Variants in LRRD1 observed in about 807,000 individuals in gnomAD.
The protein encoded by LRRD1 is leucine rich repeats and death domain containing 1, also known as leucine-rich repeat and death domain-containing protein 1.
Under a neutral mutation model 69.5 loss-of-function variants are expected in LRRD1, and 49 were observed. The observed-to-expected ratio is 0.70, with a 90% confidence interval of 0.56 to 0.89. The LOEUF is 0.89. Ranked by LOEUF, LRRD1 falls within the 40% of genes least tolerant of loss-of-function variation. The pLI is 0.00. For synonymous variants in LRRD1, 303 were observed against 338.9 expected, an observed-to-expected ratio of 0.89 and a Z score of 1.16; for missense variants, 853 against 956.0, an observed-to-expected ratio of 0.89 and a Z score of 1.42.
chr7:92,176,973 A>G (rs185894560), intron 1 of LRRD1, among the ~76,000 whole-genome samples: 1,566 of 148,692 alleles, frequency 0.011, 25 homozygotes, highest in African/African-American at 0.036. Flanking sequence ...AAACAAGAAT[A>G]TATTACTTGT....
chr7:92,167,364 G>A (rs1371412642), intron 1 of LRRD1, among the ~76,000 whole-genome samples: 2 of 151,950 alleles, frequency 1.3e-5, no homozygotes, highest in Non-Finnish European at 2.9e-5. Context: ...AAAGTGCTGG[G>A]ATTACAGGTG....
In LRRD1 at chr7:92,145,029, C is replaced by G; in HGVS notation, c.2442G>C (p.Trp814Cys). 1.3e-6 allele frequency: 2 copies of G among 1,525,298 alleles called. No individual in the cohort carries two copies. The highest frequency in any genetic ancestry group is 8.8e-7 in the Non-Finnish European group (1 of 1,131,438). The allele number at this position is 1,525,298 out of a possible 1,614,324, so 94.5% of individuals were successfully genotyped here. Residue 814 changes from tryptophan to cysteine, a missense_variant, in exon 6 of 6, where the codon TGG (tryptophan) becomes TGC (cysteine). Trp to Cys is a radical substitution (Grantham distance 215, BLOSUM62 -2). Around this residue, in one of 3 missense-constraint regions of LRRD1, gnomAD observed 739 missense variants for 808.0 expected, o/e 0.91. Transcript: ENST00000458448. ...SERAHQALVI[W>C]KTQSNKLSLT... ...GTGATAACTTGTTACTTTGTGTTTTCCATATAACAAGTGCTTGGTGGGCTC... is the reference window on the plus strand; with the variant it reads ...GTGATAACTTGTTACTTTGTGTTTTGCATATAACAAGTGCTTGGTGGGCTC...
intron 1 of LRRD1, among the ~76,000 whole-genome samples, chr7:92,174,060 T>A (rs765695031): frequency 1.3e-5 from 2 of 152,044 alleles, no homozygotes; most frequent in African/African-American, 2.4e-5. Context: ...ATTTGTTGAG[T>A]GAAATAAGCC....
At chr7:92,149,151 A>G (rs6973896) in intron 4 of LRRD1, among the ~76,000 whole-genome samples, 65,927 of 152,084 alleles carry the variant, frequency 0.43, 15,050 homozygotes, top group African/African-American at 0.57. Flanking sequence ...TCCTTTATCA[A>G]TAAAGCCCAA....
chr7:92,143,508 T>A (rs1389418647), downstream of LRRD1, among the ~76,000 whole-genome samples: 2 of 152,164 alleles, frequency 1.3e-5, no homozygotes, highest in African/African-American at 2.4e-5. Flanking sequence ...TCCCGAGCCC[T>A]GCCCCGCGGG....
chr7:92,146,995 T>G (rs1161318826), intron 4 of LRRD1, among the ~76,000 whole-genome samples: 1 of 152,120 alleles, frequency 6.6e-6, no homozygotes, highest in African/African-American at 2.4e-5. Context: ...ATTTGACATT[T>G]GTTCCATTTT....
intron 1 of LRRD1, among the ~76,000 whole-genome samples, chr7:92,170,108 G>A (rs1789017211): frequency 1.3e-5 from 2 of 149,912 alleles, no homozygotes; most frequent in Admixed American, 1.3e-4. Context: ...AAGAGAGAGA[G>A]AGAGGAAGGA....
intron 1 of LRRD1, among the ~76,000 whole-genome samples, chr7:92,174,294 G>A (rs751205195): frequency 6.6e-6 from 1 of 151,180 alleles, no homozygotes; most frequent in Admixed American, 6.6e-5. Context: ...ATAATCTATT[G>A]TATATTTCAA....
At chr7:92,153,878 C>T (rs1348411097) in intron 3 of LRRD1, among the ~76,000 whole-genome samples, 1 of 152,004 alleles carries the variant, frequency 6.6e-6, no homozygotes, top group Non-Finnish European at 1.5e-5. Flanking sequence ...CTCTTGTCAG[C>T]CAAGCTGGAG....
At chr7:92,175,062 T>C (rs1789162253) in intron 1 of LRRD1, among the ~76,000 whole-genome samples, 1 of 151,826 alleles carries the variant, frequency 6.6e-6, no homozygotes, top group African/African-American at 2.4e-5. Context: ...TGAAATTCCA[T>C]CTCAAAAACA....
chr7:92,165,319 A>C, intron 1 of LRRD1, 43 bp from the exon 2 acceptor site: 1 of 482,832 alleles, frequency 2.1e-6, no homozygotes, highest in Non-Finnish European at 3.5e-6. Flanking sequence ...AGAGATGTCA[A>C]AATGACAAAT....
intron 4 of LRRD1, among the ~76,000 whole-genome samples, chr7:92,146,510 G>A (rs1312381756): frequency 1.3e-5 from 2 of 151,986 alleles, no homozygotes; most frequent in East Asian, 1.9e-4. Context: ...CCAGCTACTC[G>A]GGAGGCTGAG....
At chr7:92,163,254 T>G (rs1194554734) in intron 2 of LRRD1, 32 bp downstream of exon 2, 1 of 1,324,352 alleles carries the variant, frequency 7.6e-7, no homozygotes, top group Non-Finnish European at 9.9e-7. Flanking sequence ...AGTCTCTCCT[T>G]CCCCACAAAG....
intron 3 of LRRD1, among the ~76,000 whole-genome samples, chr7:92,152,170 T>TGTGTGTGTGTG (rs398047848): frequency 1.3e-5 from 2 of 149,982 alleles, no homozygotes; most frequent in Non-Finnish European, 3.0e-5. Context: ...TGTGTGTGTG[T>TGTGTGTGTGTG]AAAATATATT....
intron 1 of LRRD1, among the ~76,000 whole-genome samples, chr7:92,167,893 A>T (rs895283534): frequency 1.7e-4 from 25 of 149,156 alleles, no homozygotes; most frequent in Non-Finnish European, 2.7e-4. Flanking sequence ...AAAAAAAAAA[A>T]AAAAAAAAAA....
chr7:92,160,571 C>G (rs1788774800), intron 2 of LRRD1, among the ~76,000 whole-genome samples: 1 of 152,056 alleles, frequency 6.6e-6, no homozygotes, highest in African/African-American at 2.4e-5. Context: ...CCTGTAATCC[C>G]AGCACTTTGG....
At chr7:92,159,801 T>C (rs961298133) in intron 2 of LRRD1, among the ~76,000 whole-genome samples, 9 of 151,954 alleles carry the variant, frequency 5.9e-5, no homozygotes, top group Admixed American at 5.9e-4. Flanking sequence ...TTTGTATTTT[T>C]AGTAGAATGG....
chr7:92,146,035 C>T, intron 5 of LRRD1, 48 bp downstream of exon 5: 1 of 975,884 alleles, frequency 1.0e-6, no homozygotes. Context: ...ACATGATATA[C>T]ATCAGAATGA....
chr7:92,152,387 A>G (rs1820493323), intron 3 of LRRD1, among the ~76,000 whole-genome samples: 1 of 152,068 alleles, frequency 6.6e-6, no homozygotes, highest in Non-Finnish European at 1.5e-5. Context: ...TTATCCATTT[A>G]ATACATAAAT....
Sources: allele counts gnomAD v4.1 joint callset (sites outside exome capture counted in the v4.1 genomes callset), GRCh38; gene constraint gnomAD v4.1.1; regional missense constraint gnomAD v4.1.1; transcripts MANE v1.5; gene names NCBI Gene and HGNC (gene_info 2026-07-23, HGNC 2026-07-21).